Variants in RSU1 observed in about 807,000 individuals in gnomAD.
RSU1 encodes rsu-1.
In RSU1, 26 loss-of-function variants were observed where a neutral mutation model predicts 31.1. The ratio of observed to expected loss-of-function variants is 0.84; its 90% CI spans 0.61 to 1.16. RSU1 has a LOEUF of 1.16. RSU1 is among the 50% of genes most tolerant of loss of function. RSU1 has a pLI of 0.00. For synonymous variants in RSU1, 164 were observed against 136.3 expected (o/e 1.20, Z -1.41); for missense variants, 320 against 339.1 (o/e 0.94, Z 0.44).
chr10:16,674,417 T>A (rs1490827414), intron 8 of RSU1, among the ~76,000 whole-genome samples: 62 of 144,196 alleles, frequency 4.3e-4, no homozygotes, highest in South Asian at 2.5e-3. Flanking sequence ...TTTTTTTTTT[T>A]AAATCCTCTA....
In RSU1 at chr10:16,752,564, G is replaced by T. The variant is rs754044549; in HGVS notation, c.573C>A (p.Arg191=). The T allele has an allele frequency of 7.4e-6, 12 of 1,613,930 alleles. No homozygotes were observed. The South Asian group carries it at 7.7e-5, about 10-fold the overall frequency. ...CTAGTTCTGGGGGCAGAACGGTGAG[G>T]CGGTTCCCCTGAATGTGGAGCTCTT... ...QLKELHIQGN[R]LTVLPPELGN... The change falls in exon 7 of 9, where the codon CGC becomes CGA. Residue 191 remains arginine (R), a synonymous_variant. Transcript: ENST00000345264.
chr10:16,778,267 C>T (rs769683288), intron 3 of RSU1, among the ~76,000 whole-genome samples: 13 of 152,084 alleles, frequency 8.5e-5, no homozygotes, highest in Non-Finnish European at 1.6e-4. Flanking sequence ...GAGCACACAA[C>T]GAGTAAGAAA....
intron 8 of RSU1, among the ~76,000 whole-genome samples, chr10:16,692,783 G>C (rs1835586891): frequency 6.6e-6 from 1 of 152,026 alleles, no homozygotes; most frequent in Admixed American, 6.5e-5. Flanking sequence ...TATGGCTTAT[G>C]AAACAATTAA....
At chr10:16,785,489 C>T (rs147639385) in intron 2 of RSU1, among the ~76,000 whole-genome samples, 6,977 of 118,396 alleles carry the variant, frequency 0.059, 321 homozygotes, top group East Asian at 0.14. Flanking sequence ...TACATATATA[C>T]ATATATATAT....
At chr10:16,796,661 A>G (rs966153420) in intron 2 of RSU1, among the ~76,000 whole-genome samples, 5 of 152,204 alleles carry the variant, frequency 3.3e-5, no homozygotes, top group African/African-American at 1.2e-4. Flanking sequence ...TACTACATAC[A>G]CATTATCCTT....
At chr10:16,723,417 T>G (rs1308851377) in intron 7 of RSU1, among the ~76,000 whole-genome samples, 1 of 152,144 alleles carries the variant, frequency 6.6e-6, no homozygotes, top group East Asian at 1.9e-4. Context: ...TGGCACCAAA[T>G]TATACACATT....
At chr10:16,738,235 A>G (rs913406711) in intron 7 of RSU1, among the ~76,000 whole-genome samples, 2 of 152,176 alleles carry the variant, frequency 1.3e-5, no homozygotes, top group Non-Finnish European at 2.9e-5. Context: ...TCATGATGTC[A>G]GCAGATCGAG....
chr10:16,699,067 CTTTT>C (rs892801705), intron 7 of RSU1, among the ~76,000 whole-genome samples: 10 of 152,182 alleles, frequency 6.6e-5, no homozygotes, highest in African/African-American at 2.4e-4. Flanking sequence ...GTTGGTCTTT[CTTTT>C]TAACAAAGAG....
At chr10:16,617,626 T>C (rs1396451706) in intron 8 of RSU1, among the ~76,000 whole-genome samples, 5 of 152,208 alleles carry the variant, frequency 3.3e-5, no homozygotes, top group Non-Finnish European at 5.9e-5. Context: ...ATGGTACTGG[T>C]ATCAAAACAG....
chr10:16,700,622 T>A (rs1215343482), intron 7 of RSU1, among the ~76,000 whole-genome samples: 2 of 152,238 alleles, frequency 1.3e-5, no homozygotes, highest in Non-Finnish European at 2.9e-5. Context: ...TAGCAGTGCA[T>A]GATTACAGAC....
At chr10:16,646,534 C>T (rs367584629) in intron 8 of RSU1, among the ~76,000 whole-genome samples, 190 of 152,296 alleles carry the variant, frequency 1.2e-3, no homozygotes, top group African/African-American at 4.5e-3. Flanking sequence ...CATTGGTCCC[C>T]GCACACACTT....
chr10:16,817,194 G>A (rs1838558731), intron 1 of RSU1, 110 bp from the exon 2 acceptor site: 6 of 710,518 alleles, frequency 8.4e-6, no homozygotes, highest in Admixed American at 6.2e-5. Flanking sequence ...GAGCGGGTGG[G>A]CGTCCGAGGG....
chr10:16,686,582 TTATC>T (rs1387739128), intron 8 of RSU1, among the ~76,000 whole-genome samples: 1 of 152,102 alleles, frequency 6.6e-6, no homozygotes, highest in Non-Finnish European at 1.5e-5. Flanking sequence ...GTGAGACAAA[TTATC>T]TATATTCTAT....
intron 8 of RSU1, among the ~76,000 whole-genome samples, chr10:16,676,181 C>G (rs4332424): frequency 0.31 from 47,575 of 152,054 alleles, 8,438 homozygotes; most frequent in Middle Eastern, 0.41. Flanking sequence ...CTGTATTAGT[C>G]CATTTTCATA....
intron 2 of RSU1, among the ~76,000 whole-genome samples, chr10:16,789,511 T>C (rs10904814): frequency 0.32 from 49,022 of 152,038 alleles, 9,584 homozygotes; most frequent in African/African-American, 0.56. Flanking sequence ...ATACAACCAG[T>C]CACTCCTTTC....
At chr10:16,647,108 G>GCTAA (rs1165256825) in intron 8 of RSU1, among the ~76,000 whole-genome samples, 1 of 152,004 alleles carries the variant, frequency 6.6e-6, no homozygotes, top group African/African-American at 2.4e-5. Context: ...CTCCTGAGTA[G>GCTAA]CTAACATATG....
chr10:16,722,927 T>TAC (rs1208373648), intron 7 of RSU1, among the ~76,000 whole-genome samples: 4 of 147,582 alleles, frequency 2.7e-5, no homozygotes, highest in South Asian at 2.1e-4. Context: ...TATGTATATA[T>TAC]ACACACATAT....
chr10:16,805,525 A>T (rs1838248082), intron 2 of RSU1, among the ~76,000 whole-genome samples: 1 of 151,404 alleles, frequency 6.6e-6, no homozygotes, highest in South Asian at 2.1e-4. Context: ...CAAAAAAAAA[A>T]GTTAGCCAGG....
intron 3 of RSU1, among the ~76,000 whole-genome samples, chr10:16,776,657 C>T (rs908237770): frequency 7.9e-5 from 12 of 152,122 alleles, no homozygotes; most frequent in Admixed American, 5.9e-4. Flanking sequence ...AAGTATAAAA[C>T]TAAACAATTA....
Sources: allele counts gnomAD v4.1 joint callset (sites outside exome capture counted in the v4.1 genomes callset), GRCh38; gene constraint gnomAD v4.1.1; transcripts MANE v1.5; gene names NCBI Gene and HGNC (gene_info 2026-07-23, HGNC 2026-07-21).